Variants in RAP1GAP2 observed in about 807,000 individuals in gnomAD.
RAP1GAP2 encodes rap1 GTPase-activating protein 2.
RAP1GAP2 carries 27 observed loss-of-function variants against 95.0 expected under a neutral mutation model. The observed-to-expected ratio is 0.28, with a 90% CI of 0.21 to 0.39. The LOEUF (loss-of-function observed/expected upper bound fraction) is 0.39. Among genes scored for constraint, RAP1GAP2 ranks in the 10% least tolerant of loss-of-function variants. RAP1GAP2 has a pLI of 1.00. For synonymous variants in RAP1GAP2, 373 were observed against 380.9 expected, an observed-to-expected ratio of 0.98 and a Z score of 0.24; for missense variants, 771 against 970.0, an observed-to-expected ratio of 0.79 and a Z score of 2.72.
At chr17:2,801,601 GTGT>G in intron 2 of RAP1GAP2, among the ~76,000 whole-genome samples, 1 of 16,174 alleles carries the variant, frequency 6.2e-5, no homozygotes, top group East Asian at 4.1e-3. Flanking sequence ...CAGGGTATGT[GTGT>G]GTGTGTGTGT....
rs1166780662 is a variant in RAP1GAP2 at position 3,034,004 on chromosome 17, GC to G, written c.*647del. ...GCTGACGTAGGCCCAGGGCTGCCCT[GC>G]CCCTGCTGCCAGTGTACCGTGAGCG... On this transcript the variant is annotated 3_prime_UTR_variant, in exon 25 of 25. Coordinates refer to ENST00000254695, the MANE Select transcript of RAP1GAP2 (RefSeq NM_015085.5). The surrounding 1 kb of genome is among the most constrained non-coding windows in gnomAD (Gnocchi z 5.1). 2.0e-5 allele frequency: 3 copies of G among 152,932 alleles called. No homozygotes were observed. The highest frequency in any genetic ancestry group is 4.8e-5 in the African/African-American group (2 of 41,450). 9.5% of individuals were successfully genotyped at this position (152,932 alleles called of 1,614,324 possible).
chr17:2,822,776 T>C (rs1412733835), intron 2 of RAP1GAP2, among the ~76,000 whole-genome samples: 3 of 151,976 alleles, frequency 2.0e-5, no homozygotes, highest in Admixed American at 2.0e-4. Flanking sequence ...TACATATGTA[T>C]ACATGTGCCA....
chr17:2,764,086 T>C (rs1020405200), intron 1 of RAP1GAP2, among the ~76,000 whole-genome samples: 1 of 151,882 alleles, frequency 6.6e-6, no homozygotes. Context: ...TACGATGATG[T>C]CATAATCAGA....
chr17:2,890,355 A>C (rs2073665600), intron 2 of RAP1GAP2, among the ~76,000 whole-genome samples: 1 of 152,204 alleles, frequency 6.6e-6, no homozygotes, highest in African/African-American at 2.4e-5. Context: ...TTTAGTTTGA[A>C]CCAATGATGG....
Position 2,904,253 on chromosome 17 carries a change from G to C in RAP1GAP2, c.81-1031G>C, listed in dbSNP as rs1381819250. 1.3e-5 allele frequency among the ~76,000 whole-genome samples: 2 copies of C among 152,142 alleles called. No homozygotes were observed. The highest frequency in any genetic ancestry group is 1.3e-4 in the Admixed American group (2 of 15,260). ...GAATTCCCCAGGCTCTGCCCAGCTGGCCCTGTTGTGCAGCCGTGGCTCTGA... is the reference window on the plus strand; with the variant it reads ...GAATTCCCCAGGCTCTGCCCAGCTGCCCCTGTTGTGCAGCCGTGGCTCTGA... On this transcript the variant is annotated intron_variant, in intron 2 of 24. Coordinates refer to ENST00000254695, the MANE Select transcript of RAP1GAP2 (RefSeq NM_015085.5). The surrounding 1 kb of genome is among the most constrained non-coding windows in gnomAD (Gnocchi z 4.7).
At chr17:2,847,815 C>G (rs1402715398) in intron 2 of RAP1GAP2, among the ~76,000 whole-genome samples, 1 of 152,124 alleles carries the variant, frequency 6.6e-6, no homozygotes, top group Admixed American at 6.6e-5. Flanking sequence ...GCCTCATCCG[C>G]TCCTGATTCT....
At chr17:2,962,616 C>A in intron 4 of RAP1GAP2, 54 bp from the exon 5 acceptor site, 1 of 1,520,406 alleles carries the variant, frequency 6.6e-7, no homozygotes, top group Non-Finnish European at 8.9e-7. Context: ...CTTTATCTGG[C>A]CCTGTCTTCT....
intron 2 of RAP1GAP2, among the ~76,000 whole-genome samples, chr17:2,883,172 T>C (rs1006765322): frequency 6.6e-6 from 1 of 152,192 alleles, no homozygotes; most frequent in African/African-American, 2.4e-5. Flanking sequence ...TGGGTGGTGC[T>C]GGGGAGCTGG....
chr17:2,894,732 G>GC (rs1021777253), intron 2 of RAP1GAP2, among the ~76,000 whole-genome samples: 16 of 152,158 alleles, frequency 1.1e-4, no homozygotes, highest in African/African-American at 3.1e-4. Context: ...TTAGCTCTCG[G>GC]CCCCCCCTTT....
chr17:2,859,585 G>T (rs918395442), intron 2 of RAP1GAP2, among the ~76,000 whole-genome samples: 1 of 151,726 alleles, frequency 6.6e-6, no homozygotes, highest in African/African-American at 2.4e-5. Flanking sequence ...ACAGGTGTCC[G>T]TCACAACACC....
At chr17:2,949,414 A>G (rs891305309) in intron 3 of RAP1GAP2, among the ~76,000 whole-genome samples, 1 of 152,030 alleles carries the variant, frequency 6.6e-6, no homozygotes, top group African/African-American at 2.4e-5. Context: ...TTAACTGAGC[A>G]CCTGCTGTGT....
In RAP1GAP2 at chr17:2,901,139, C is replaced by T. The variant is rs180764084; in HGVS notation, c.81-4145C>T. 4.6e-5 allele frequency among the ~76,000 whole-genome samples: 7 copies of T among 152,310 alleles called. No homozygotes were observed. In the East Asian group the frequency reaches 1.2e-3, roughly 25 times the overall value. ...CATTTGGCCAACGCTGGCTAGGACGCGTCCTGGTCTCCCTGAGCCTCCCCA... is the reference window on the plus strand; with the variant it reads ...CATTTGGCCAACGCTGGCTAGGACGTGTCCTGGTCTCCCTGAGCCTCCCCA... On this transcript the variant is annotated intron_variant, in intron 2 of 24. Transcript: ENST00000254695.
intron 2 of RAP1GAP2, among the ~76,000 whole-genome samples, chr17:2,824,177 G>C (rs1295958344): frequency 2.7e-5 from 4 of 150,686 alleles, no homozygotes; most frequent in African/African-American, 9.8e-5. Context: ...GCCAGGTGTG[G>C]TGGCTCACAC....
intron 2 of RAP1GAP2, among the ~76,000 whole-genome samples, chr17:2,863,626 C>T (rs1393173488): frequency 5.3e-5 from 8 of 152,160 alleles, no homozygotes; most frequent in African/African-American, 1.7e-4. Flanking sequence ...TGCTGTGTGG[C>T]AGGATCAGGG....
chr17:2,778,292 G>C (rs545013630), intron 1 of RAP1GAP2, among the ~76,000 whole-genome samples: 1 of 149,278 alleles, frequency 6.7e-6, no homozygotes, highest in Non-Finnish European at 1.5e-5. Context: ...GGGCTGGGGG[G>C]CCTGGTAGCT....
At chr17:2,982,867 A>G (rs1490942024) in intron 10 of RAP1GAP2, among the ~76,000 whole-genome samples, 1 of 152,114 alleles carries the variant, frequency 6.6e-6, no homozygotes, top group African/African-American at 2.4e-5. Flanking sequence ...TATCTGAAGG[A>G]CCGCTGAGTC....
At chr17:2,873,370 G>C (rs576632927) in intron 2 of RAP1GAP2, among the ~76,000 whole-genome samples, 1 of 147,232 alleles carries the variant, frequency 6.8e-6, no homozygotes, top group East Asian at 2.1e-4. Context: ...AGCTACTTGG[G>C]AGGCTGAGGT....
intron 2 of RAP1GAP2, among the ~76,000 whole-genome samples, chr17:2,893,754 G>A (rs1206730495): frequency 1.3e-5 from 2 of 152,254 alleles, no homozygotes; most frequent in African/African-American, 4.8e-5. Flanking sequence ...GCCGCTGACT[G>A]CGCCCGGGAG....
chr17:3,030,893 C>A (rs757131246), intron 22 of RAP1GAP2, 29 bp from the exon 23 acceptor site: 15 of 1,581,720 alleles, frequency 9.5e-6, no homozygotes, highest in Non-Finnish European at 1.1e-5. Flanking sequence ...ACAGCTCCAC[C>A]CTCCTTTCAT....
Sources: allele counts gnomAD v4.1 joint callset (sites outside exome capture counted in the v4.1 genomes callset), GRCh38; gene constraint gnomAD v4.1.1; non-coding constraint Gnocchi (gnomAD v3.1); transcripts MANE v1.5; gene names NCBI Gene and HGNC (gene_info 2026-07-23, HGNC 2026-07-21).